Variants in AFDN observed in about 807,000 individuals in gnomAD.
The protein encoded by AFDN is afadin.
AFDN carries 68 observed loss-of-function variants against 216.6 expected under a neutral mutation model. The observed-to-expected ratio is 0.31, with a 90% CI of 0.26 to 0.38. The LOEUF (loss-of-function observed/expected upper bound fraction) is 0.38. Among genes scored for constraint, AFDN ranks in the 10% least tolerant of loss-of-function variants. AFDN has a pLI of 1.00. For missense variants in AFDN, 2,136 were observed against 2,342.0 expected (o/e 0.91, Z 1.82); for synonymous variants, 868 against 853.7 (o/e 1.02, Z -0.29).
At position 167,962,839 on chromosome 6, in the gene AFDN, G is replaced by A. The variant is rs141810762; in HGVS notation, c.4968+272G>A. 156 of 1,274,526 alleles carry A rather than the reference G, an allele frequency of 1.2e-4. No homozygotes were observed. The East Asian group carries it at 4.0e-3, about 33-fold the overall frequency. 79.0% of individuals were successfully genotyped at this position (1,274,526 alleles called of 1,614,324 possible). A position where few individuals can be genotyped will look rare whatever the true frequency, so the allele number is the denominator to read the frequency against. ...GGCGTGTGTAGCAGTGAGCCTCTTT[G>A]CAAAGGGTTCGTTTCCTCGGGCACT... On this transcript the variant is annotated intron_variant, in intron 31 of 33. Transcript: ENST00000683244. This position sits in a 1 kb window ranked among gnomAD's most constrained non-coding sequence, Gnocchi z 5.2.
At chr6:167,923,118 A>G (rs2128504264) in intron 22 of AFDN, 159 bp downstream of exon 22, 2 of 556,264 alleles carry the variant, frequency 3.6e-6, no homozygotes, top group East Asian at 6.3e-5. Context: ...CATAATTCAT[A>G]TATATGTATT....
intron 1 of AFDN, among the ~76,000 whole-genome samples, chr6:167,862,405 T>C (rs1783690844): frequency 6.6e-6 from 1 of 152,064 alleles, no homozygotes. Context: ...AGATGAAGTC[T>C]TGCTCTGTCG....
intron 24 of AFDN, 26 bp downstream of exon 24, chr6:167,943,220 A>G (rs1316719905): frequency 2.5e-6 from 4 of 1,595,636 alleles, no homozygotes. Flanking sequence ...AAAGAAGTAC[A>G]TTTTCAGTGT....
chr6:167,875,337 A>C lies in AFDN; in HGVS notation c.581A>C (p.Glu194Ala), dbSNP rs1474706604. 2 of 1,600,908 alleles carry C rather than the reference A, an allele frequency of 1.2e-6. No individual in the cohort carries two copies. Among genetic ancestry groups the C allele is most frequent in the African/African-American group, 2.7e-5 (2 of 73,882 alleles). Residue 194 changes from glutamate (E) to alanine (A), a missense_variant and splice_region_variant, in exon 5 of 34, where the codon GAA becomes GCA. Physicochemically the swap from Glu to Ala is moderately radical, Grantham distance 107 (BLOSUM62 -1). Coordinates refer to ENST00000683244, the MANE Select transcript of AFDN (RefSeq NM_001386888.1). Reference protein sequence around the residue: ...DDRPFQGEDVENSRLAAEVYK... With the variant: ...DDRPFQGEDVANSRLAAEVYK... ...TTTGGTATTTTTTTTTCTTACAGTGAAAATTCTCGACTGGCTGCTGAGGTT... is the reference window on the plus strand; with the variant it reads ...TTTGGTATTTTTTTTTCTTACAGTGCAAATTCTCGACTGGCTGCTGAGGTT...
At chr6:167,885,154 G>T (rs1187175277) in intron 6 of AFDN, among the ~76,000 whole-genome samples, 2 of 152,108 alleles carry the variant, frequency 1.3e-5, no homozygotes, top group Non-Finnish European at 1.5e-5. Context: ...GAGTAGAATT[G>T]GCTGTAATAT....
chr6:167,939,174 ATAT>A (rs1794378458), intron 23 of AFDN, among the ~76,000 whole-genome samples: 2 of 152,314 alleles, frequency 1.3e-5, no homozygotes, highest in South Asian at 4.1e-4. Flanking sequence ...TGTATTACTA[ATAT>A]TATTGCTAAA....
At chr6:167,864,217 G>GT in intron 1 of AFDN, 1 of 532,760 alleles carries the variant, frequency 1.9e-6, no homozygotes, top group South Asian at 1.4e-5. Context: ...TTAAATAATA[G>GT]TATCTGTTGA....
intron 26 of AFDN, among the ~76,000 whole-genome samples, chr6:167,945,924 T>G (rs879659492): frequency 3.5e-4 from 54 of 152,324 alleles, no homozygotes; most frequent in Non-Finnish European, 7.3e-4. Context: ...AAATATGGCC[T>G]TTATGGCTTT....
At chr6:167,833,355 C>T (rs928472337) in intron 1 of AFDN, among the ~76,000 whole-genome samples, 2 of 152,194 alleles carry the variant, frequency 1.3e-5, no homozygotes, top group South Asian at 2.1e-4. Flanking sequence ...AAAGGTTGAC[C>T]CAACATTATG....
intron 23 of AFDN, among the ~76,000 whole-genome samples, chr6:167,926,247 G>A (rs377079002): frequency 2.6e-5 from 4 of 152,312 alleles, no homozygotes; most frequent in East Asian, 1.9e-4. Flanking sequence ...TGAAGGGTCC[G>A]TTTGAAATGA....
chr6:167,864,412 A>G (rs773235675), intron 1 of AFDN, 139 bp from the exon 2 acceptor site: 2 of 855,204 alleles, frequency 2.3e-6, no homozygotes, highest in South Asian at 1.3e-5. Context: ...CTAAAAACCC[A>G]TCTCTCTACA....
rs868852526 is a variant in AFDN, at chr6:167,914,808, C to T, written c.2299+70C>T. ...CGTTTAGCATCATTTTAATGCTTAG[C>T]GTAGGTAAGTGGAGGTGTTTTTAAA... On this transcript the variant is annotated intron_variant, in intron 18 of 33. Coordinates refer to ENST00000683244, the MANE Select transcript of AFDN (RefSeq NM_001386888.1). 32 of 1,099,922 alleles carry T rather than the reference C, an allele frequency of 2.9e-5. 1 individual carries two copies. The South Asian group carries it at 3.6e-4, about 12-fold the overall frequency. The allele number at this position is 1,099,922 out of a possible 1,614,324, so 68.1% of individuals were successfully genotyped here. A position where few individuals can be genotyped will look rare whatever the true frequency, so the allele number is the denominator to read the frequency against.
rs377069127 is a variant in AFDN at position 167,951,845 on chromosome 6, C to A, written c.4491C>A (p.Ile1497=). The stretch of plus-strand genomic sequence containing the variant: ...AGCCTCAGCAGCAGCCCCGCACGAT[C>A]GAGCGCAGAGACTTGCAGTACATTA... ...ELQPQQQPRT[I]ERRDLQYITV... is the part of the protein sequence containing the mutation. Residue 1497 remains isoleucine (I), a synonymous_variant, in exon 30 of 34, where the codon ATC becomes ATA. Transcript: ENST00000683244. The surrounding 1 kb of genome is among the most constrained non-coding windows in gnomAD (Gnocchi z 7.1). 6.2e-7 allele frequency: 1 copy of A among 1,614,110 alleles called. No individual in the cohort carries two copies. Among genetic ancestry groups the A allele is most frequent in the Admixed American group, 1.7e-5 (1 of 60,000 alleles).
intron 12 of AFDN, among the ~76,000 whole-genome samples, chr6:167,905,832 G>A (rs1275143272): frequency 2.0e-5 from 3 of 152,216 alleles, no homozygotes; most frequent in African/African-American, 7.2e-5. Flanking sequence ...TGGGCCGGAT[G>A]TGGTGGCTCA....
intron 6 of AFDN, among the ~76,000 whole-genome samples, chr6:167,880,975 G>T (rs1222118788): frequency 6.6e-6 from 1 of 152,080 alleles, no homozygotes; most frequent in Non-Finnish European, 1.5e-5. Flanking sequence ...TAAATTTTAG[G>T]ATCAGTTTGT....
intron 4 of AFDN, among the ~76,000 whole-genome samples, chr6:167,875,089 A>G (rs1341386474): frequency 6.6e-6 from 1 of 152,162 alleles, no homozygotes; most frequent in East Asian, 1.9e-4. Flanking sequence ...TCATGAATAA[A>G]CTCACTATTA....
intron 11 of AFDN, among the ~76,000 whole-genome samples, chr6:167,899,654 C>A (rs940680952): frequency 6.6e-6 from 1 of 152,182 alleles, no homozygotes; most frequent in East Asian, 1.9e-4. Context: ...CATCAAAAAT[C>A]TTGATCTGGT....
chr6:167,877,544 A>G (rs1785529893), intron 5 of AFDN, among the ~76,000 whole-genome samples: 1 of 152,198 alleles, frequency 6.6e-6, no homozygotes, highest in African/African-American at 2.4e-5. Flanking sequence ...GCATTTTTCT[A>G]TATGTAGACT....
intron 23 of AFDN, 52 bp downstream of exon 23, chr6:167,925,143 A>G (rs780539458): frequency 1.5e-6 from 2 of 1,317,156 alleles, no homozygotes; most frequent in East Asian, 2.3e-5. Flanking sequence ...TCGGCATTGA[A>G]TCAGTGGTTG....
Sources: gnomAD v4.1 joint callset for allele counts (sites outside exome capture counted in the v4.1 genomes callset) on GRCh38, gnomAD v4.1.1 for gene constraint, Gnocchi (gnomAD v3.1) non-coding constraint, MANE v1.5 for transcripts, NCBI Gene and HGNC (gene_info 2026-07-23, HGNC 2026-07-21) for gene names.